PDLIM1: variants seen among roughly 807,000 people sequenced by gnomAD.
PDLIM1 encodes the protein PDZ and LIM domain protein 1.
Under a neutral mutation model 35.2 loss-of-function variants are expected in PDLIM1, and 25 were observed. That is an observed-to-expected ratio of 0.71 (90% CI 0.52 to 0.99). PDLIM1 has a LOEUF of 0.99. Among genes scored for constraint, PDLIM1 ranks in the 50% least tolerant of loss-of-function variants. The pLI, the probability that PDLIM1 is intolerant of heterozygous loss-of-function variation, is 0.00. For missense variants in PDLIM1, 363 were observed against 415.3 expected, an observed-to-expected ratio of 0.87 and a Z score of 1.09; for synonymous variants, 152 against 154.0, an observed-to-expected ratio of 0.99 and a Z score of 0.10.
chr10:95,249,702 C>A (rs984349203), intron 4 of PDLIM1, among the ~76,000 whole-genome samples: 1 of 152,168 alleles, frequency 6.6e-6, no homozygotes, highest in Non-Finnish European at 1.5e-5. Flanking sequence ...CTGAGACAAC[C>A]TCTGGGGCAC....
At chr10:95,247,133 G>T in intron 5 of PDLIM1, 82 bp downstream of exon 5, 2 of 1,247,564 alleles carry the variant, frequency 1.6e-6, no homozygotes, top group Admixed American at 2.1e-5. Context: ...GCTCCAGAGT[G>T]TGTTCACCTG....
intron 5 of PDLIM1, chr10:95,238,892 A>T: frequency 2.1e-6 from 1 of 478,080 alleles, no homozygotes; most frequent in Non-Finnish European, 3.8e-6. Flanking sequence ...CTGGCCAAAG[A>T]AAAGCCCAAA....
intron 3 of PDLIM1, among the ~76,000 whole-genome samples, chr10:95,267,902 A>C (rs1411198814): frequency 1.3e-5 from 2 of 152,208 alleles, no homozygotes; most frequent in Non-Finnish European, 2.9e-5. Context: ...AAATTTTCAA[A>C]AGGCATTATC....
At chr10:95,286,351 T>C (rs1291364055) in intron 1 of PDLIM1, among the ~76,000 whole-genome samples, 1 of 135,370 alleles carries the variant, frequency 7.4e-6, no homozygotes, top group Admixed American at 7.5e-5. Flanking sequence ...AGCGACACCC[T>C]GTCTCAAAAA....
At chr10:95,278,905 C>T (rs912975186) in intron 1 of PDLIM1, among the ~76,000 whole-genome samples, 1 of 152,198 alleles carries the variant, frequency 6.6e-6, no homozygotes, top group Non-Finnish European at 1.5e-5. Flanking sequence ...CTGGCTTTCC[C>T]TAGCAGGTCT....
At position 95,237,595 on chromosome 10, in the gene PDLIM1, G is replaced by A. The variant is rs573777032; in HGVS notation, c.*330C>T. 1.4e-3 allele frequency: 395 copies of A among 282,250 alleles called. 3 individuals are homozygous for A. Among genetic ancestry groups the A allele is most frequent in the Non-Finnish European group, 6.9e-4 (102 of 148,132 alleles). The allele number at this position is 282,250 out of a possible 1,614,324, so 17.5% of individuals were successfully genotyped here. A position where few individuals can be genotyped will look rare whatever the true frequency, so the allele number is the denominator to read the frequency against. ...GCTTTGTAGTCTATACATTTATTGA[G>A]TAAAAACAAAATCAGTGTCAGACAC... On this transcript the variant is annotated 3_prime_UTR_variant, in exon 7 of 7. Coordinates refer to ENST00000329399, the MANE Select transcript of PDLIM1 (RefSeq NM_020992.4).
chr10:95,256,311 C>T (rs1418843203), intron 4 of PDLIM1, among the ~76,000 whole-genome samples: 1 of 152,036 alleles, frequency 6.6e-6, no homozygotes, highest in African/African-American at 2.4e-5. Flanking sequence ...CTATCAAAAC[C>T]CTAATGGCAT....
chr10:95,243,392 T>G (rs1589505325), intron 5 of PDLIM1, among the ~76,000 whole-genome samples: 1 of 152,170 alleles, frequency 6.6e-6, no homozygotes, highest in East Asian at 1.9e-4. Flanking sequence ...GTATCCCAAA[T>G]ATTTCTGGAA....
chr10:95,257,038 G>GAAAGAAAGAAAAAAAT (rs1440640324), intron 4 of PDLIM1, among the ~76,000 whole-genome samples: 1,678 of 129,484 alleles, frequency 0.013, 47 homozygotes, highest in South Asian at 0.033. Flanking sequence ...AAGAAAGAAA[G>GAAAGAAAGAAAAAAAT]AATTCAAAAT....
intron 4 of PDLIM1, among the ~76,000 whole-genome samples, chr10:95,254,174 A>C (rs1201071409): frequency 3.9e-5 from 6 of 152,224 alleles, no homozygotes; most frequent in Non-Finnish European, 7.3e-5. Context: ...ACTGAAAGAC[A>C]GAAATGAACA....
intron 1 of PDLIM1, among the ~76,000 whole-genome samples, chr10:95,272,781 GGTCATTCCC>G (rs2035476928): frequency 6.6e-6 from 1 of 152,116 alleles, no homozygotes; most frequent in Admixed American, 6.5e-5. Context: ...AAATGACTAG[GGTCATTCCC>G]TATAGACGGC....
chr10:95,280,478 G>A (rs2035552112), intron 1 of PDLIM1, among the ~76,000 whole-genome samples: 1 of 152,204 alleles, frequency 6.6e-6, no homozygotes, highest in Admixed American at 6.5e-5. Context: ...TGGAAAGCAT[G>A]ATTATATGTA....
At chr10:95,287,326 C>G (rs914153534) in intron 1 of PDLIM1, among the ~76,000 whole-genome samples, 8 of 152,178 alleles carry the variant, frequency 5.3e-5, no homozygotes, top group African/African-American at 1.9e-4. Flanking sequence ...GATGTAAAAT[C>G]TATCTGAATC....
At position 95,290,782 on chromosome 10, in the gene PDLIM1, T is replaced by C. The variant is rs543659770; in HGVS notation, c.96+38A>G. On this transcript the variant is annotated intron_variant, in intron 1 of 6. Coordinates refer to ENST00000329399, the MANE Select transcript of PDLIM1 (RefSeq NM_020992.4). The surrounding 1 kb of genome is among the most constrained non-coding windows in gnomAD (Gnocchi z 4.7). ...CCCAGTCTCCGCATATCACCTCCCA[T>C]AGCGCCCCGCTTCCACGCACGTCCC... The C allele has an allele frequency of 1.0e-5, 15 of 1,443,616 alleles. No individual in the cohort carries two copies. The highest frequency in any genetic ancestry group is 3.6e-4 in the Middle Eastern group (2 of 5,624). The allele number at this position is 1,443,616 out of a possible 1,614,324, so 89.4% of individuals were successfully genotyped here. A position where few individuals can be genotyped will look rare whatever the true frequency, so the allele number is the denominator to read the frequency against.
chr10:95,262,855 A>G (rs181148401), intron 4 of PDLIM1, among the ~76,000 whole-genome samples: 150 of 152,210 alleles, frequency 9.9e-4, no homozygotes, highest in African/African-American at 3.6e-3. Flanking sequence ...GACTCCAATA[A>G]AGACTCAAAG....
chr10:95,251,447 G>C (rs1039536979), intron 4 of PDLIM1, among the ~76,000 whole-genome samples: 1 of 152,098 alleles, frequency 6.6e-6, no homozygotes, highest in East Asian at 1.9e-4. Flanking sequence ...GCTGCAGCGT[G>C]TGCCTGTAAT....
At chr10:95,287,276 A>G (rs1241482815) in intron 1 of PDLIM1, among the ~76,000 whole-genome samples, 2 of 152,206 alleles carry the variant, frequency 1.3e-5, no homozygotes, top group Non-Finnish European at 2.9e-5. Context: ...GCTTTTCATA[A>G]TCTGACAGAC....
chr10:95,271,845 CAAGTT>C, intron 1 of PDLIM1, 61 bp from the exon 2 acceptor site: 1 of 1,530,708 alleles, frequency 6.5e-7, no homozygotes, highest in Non-Finnish European at 8.9e-7. Flanking sequence ...AAGTTACCAC[CAAGTT>C]AAGTATTCAC....
chr10:95,281,805 T>C (rs993862336), intron 1 of PDLIM1, among the ~76,000 whole-genome samples: 1 of 152,210 alleles, frequency 6.6e-6, no homozygotes, highest in African/African-American at 2.4e-5. Flanking sequence ...AGAAGTATAA[T>C]AACTCCAAAC....
Sources: gnomAD v4.1 joint callset for allele counts (sites outside exome capture counted in the v4.1 genomes callset) on GRCh38, gnomAD v4.1.1 for gene constraint, Gnocchi (gnomAD v3.1) non-coding constraint, MANE v1.5 for transcripts, NCBI Gene and HGNC (gene_info 2026-07-23, HGNC 2026-07-21) for gene names.